PKNOX2: variants seen among roughly 807,000 people sequenced by gnomAD.
PKNOX2 encodes homeobox protein PKNOX2.
In PKNOX2, 14 loss-of-function variants were observed where a neutral mutation model predicts 53.1. The observed-to-expected ratio is 0.26, with a 90% CI of 0.17 to 0.41. PKNOX2 has a LOEUF of 0.41. PKNOX2 is among the 10% of genes least tolerant of loss of function. PKNOX2 has a pLI of 1.00. For synonymous variants in PKNOX2, 257 were observed against 242.8 expected, an observed-to-expected ratio of 1.06 and a Z score of -0.54; for missense variants, 496 against 602.8, an observed-to-expected ratio of 0.82 and a Z score of 1.85.
At chr11:125,265,171 C>T (rs982401336) in intron 2 of PKNOX2, among the ~76,000 whole-genome samples, 3 of 151,948 alleles carry the variant, frequency 2.0e-5, no homozygotes, top group Non-Finnish European at 4.4e-5. Context: ...CCTGTAGTCC[C>T]AGCTACTCGG....
rs970365952 is a variant in PKNOX2, at chr11:125,282,445, G to C, written c.-130+47330G>C. Among the ~76,000 whole-genome samples, 4 of 152,314 alleles carry C rather than the reference G, an allele frequency of 2.6e-5. No homozygotes were observed. The East Asian group carries it at 5.8e-4, about 22-fold the overall frequency. On this transcript the variant is annotated intron_variant, in intron 2 of 12. Transcript: ENST00000298282. ...TTATATCGAGACCAGTGGGTGGCAG[G>C]CATCTGAGTCACCTGGAGGGCTTGT...
rs539982906 is a variant in PKNOX2 at position 125,421,263 on chromosome 11, C to T, written c.937-7749C>T. On this transcript the variant is annotated intron_variant, in intron 10 of 12. Transcript: ENST00000298282. The stretch of plus-strand genomic sequence containing the variant: ...CAAGAGCCAGAAGAGTGTGTCCAGG[C>T]ACTAGAATCAGGTTGCAAAAGGTTC... Among the ~76,000 whole-genome samples the T allele has an allele frequency of 8.5e-5, 13 of 152,244 alleles. No individual in the cohort carries two copies. The East Asian group carries it at 9.7e-4, about 11-fold the overall frequency.
chr11:125,279,010 C>T (rs1946368160), intron 2 of PKNOX2, among the ~76,000 whole-genome samples: 1 of 152,184 alleles, frequency 6.6e-6, no homozygotes, highest in Non-Finnish European at 1.5e-5. Flanking sequence ...TCTGGCTGTA[C>T]CTATTCTCTC....
At chr11:125,233,859 G>A (rs1942442531) in intron 1 of PKNOX2, among the ~76,000 whole-genome samples, 1 of 152,202 alleles carries the variant, frequency 6.6e-6, no homozygotes. Context: ...TTTACATTAT[G>A]TCAAGTCCTT....
At chr11:125,353,311 C>G (rs1487989233) in intron 4 of PKNOX2, among the ~76,000 whole-genome samples, 2 of 152,198 alleles carry the variant, frequency 1.3e-5, no homozygotes, top group Non-Finnish European at 2.9e-5. Flanking sequence ...CCCCTTCCCT[C>G]TCACCCACCC....
At chr11:125,328,847 C>G (rs570761777) in intron 2 of PKNOX2, among the ~76,000 whole-genome samples, 1 of 152,328 alleles carries the variant, frequency 6.6e-6, no homozygotes, top group Non-Finnish European at 1.5e-5. Flanking sequence ...GCCTCATTTT[C>G]CACATCTACA....
intron 2 of PKNOX2, among the ~76,000 whole-genome samples, chr11:125,293,642 A>G (rs1038353609): frequency 6.6e-6 from 1 of 152,100 alleles, no homozygotes; most frequent in Non-Finnish European, 1.5e-5. Context: ...TCTTTTGCAA[A>G]TCTTGTCTCT....
chr11:125,361,014 C>G (rs898621610), intron 4 of PKNOX2, among the ~76,000 whole-genome samples: 6 of 152,212 alleles, frequency 3.9e-5, no homozygotes, highest in Admixed American at 3.9e-4. Context: ...CAAATCCCCC[C>G]AGTCAGTTAT....
chr11:125,247,867 C>G (rs913077222), intron 2 of PKNOX2, among the ~76,000 whole-genome samples: 1 of 152,092 alleles, frequency 6.6e-6, no homozygotes, highest in South Asian at 2.1e-4. Flanking sequence ...TTCCCAAAGT[C>G]TTTTTTTGCT....
chr11:125,356,028 C>CA (rs1491382415), intron 4 of PKNOX2, among the ~76,000 whole-genome samples: 1 of 129,644 alleles, frequency 7.7e-6, no homozygotes, highest in Admixed American at 7.6e-5. Context: ...TCACTATCAG[C>CA]ACCCCCCCCC....
chr11:125,365,054 C>T (rs1040404696), intron 4 of PKNOX2, among the ~76,000 whole-genome samples: 1 of 152,070 alleles, frequency 6.6e-6, no homozygotes, highest in Admixed American at 6.5e-5. Context: ...AGATCAAATG[C>T]ATTGCTTGTA....
At chr11:125,295,788 G>A (rs1027802183) in intron 2 of PKNOX2, among the ~76,000 whole-genome samples, 6 of 152,270 alleles carry the variant, frequency 3.9e-5, no homozygotes, top group Admixed American at 2.0e-4. Context: ...AGCCTTTCTC[G>A]TCTGTATCGT....
At chr11:125,181,556 C>A (rs747645841) in intron 1 of PKNOX2, among the ~76,000 whole-genome samples, 3 of 152,208 alleles carry the variant, frequency 2.0e-5, no homozygotes, top group Non-Finnish European at 2.9e-5. Context: ...CATTTGAGAG[C>A]AACAGACCTG....
chr11:125,404,599 G>A (rs538051055), intron 7 of PKNOX2, among the ~76,000 whole-genome samples: 2 of 151,662 alleles, frequency 1.3e-5, no homozygotes, highest in African/African-American at 4.9e-5. Context: ...ACATTTGCGC[G>A]GGCACACACA....
At chr11:125,164,816 AGGC>A (rs550176803) in intron 1 of PKNOX2, 40 bp downstream of exon 1, 163 of 178,780 alleles carry the variant, frequency 9.1e-4, no homozygotes, top group South Asian at 3.1e-3. Flanking sequence ...ACGCTTTTGC[AGGC>A]GGCGGCGGCG....
intron 8 of PKNOX2, chr11:125,410,538 C>A: frequency 1.4e-6 from 1 of 726,756 alleles, no homozygotes; most frequent in Non-Finnish European, 2.2e-6. Context: ...ATCTCATGAG[C>A]CCCTGAGAGG....
intron 2 of PKNOX2, among the ~76,000 whole-genome samples, chr11:125,269,810 C>G (rs574888872): frequency 6.6e-6 from 1 of 152,152 alleles, no homozygotes; most frequent in South Asian, 2.1e-4. Context: ...TACATCCTCA[C>G]GGGGTCGGGG....
intron 2 of PKNOX2, chr11:125,258,803 C>A: frequency 3.4e-6 from 1 of 293,784 alleles, no homozygotes; most frequent in Admixed American, 4.3e-5. Flanking sequence ...GTGGGGTCAC[C>A]CAAGTCCTCT....
intron 10 of PKNOX2, among the ~76,000 whole-genome samples, chr11:125,413,239 G>A (rs1367730156): frequency 3.9e-5 from 6 of 152,232 alleles, no homozygotes; most frequent in African/African-American, 1.4e-4. Flanking sequence ...AAGGAGGCTG[G>A]AGGGAACCCT....
Sources: allele counts gnomAD v4.1 joint callset (sites outside exome capture counted in the v4.1 genomes callset), GRCh38; gene constraint gnomAD v4.1.1; transcripts MANE v1.5; gene names NCBI Gene and HGNC (gene_info 2026-07-23, HGNC 2026-07-21).